The following ATP8B4 variants were observed in gnomAD, a reference collection of about 807,000 sequenced individuals.
ATP8B4 encodes the protein ATPase phospholipid transporting 8B4 (putative).
ATP8B4 carries 133 observed loss-of-function variants against 145.6 expected under a neutral mutation model. That is an observed-to-expected ratio of 0.91 (90% confidence interval 0.79 to 1.05). The LOEUF (loss-of-function observed/expected upper bound fraction) is 1.05, where lower values mean the gene tolerates loss of function less well. ATP8B4 is among the 50% of genes least tolerant of loss of function. The probability of loss-of-function intolerance (pLI) is 0.00; values close to 1 mark genes in which losing one functional copy is unlikely to be tolerated. For missense variants in ATP8B4, 1,458 were observed against 1,425.2 expected, an observed-to-expected ratio of 1.02 and a Z score of -0.37; for synonymous variants, 507 against 492.9, an observed-to-expected ratio of 1.03 and a Z score of -0.38.
In ATP8B4 at chr15:49,961,958, A is replaced by T; in HGVS notation, c.1287+19T>A. On this transcript the variant is annotated intron_variant, in intron 14 of 27. Coordinates refer to ENST00000284509, the MANE Select transcript of ATP8B4 (RefSeq NM_024837.4). ...AATTTGAAATTAAAACTAAGAATAA[A>T]ATTTTATCACTTCCACACCTGAGTT... 1 of 1,575,844 alleles carries T rather than the reference A, an allele frequency of 6.3e-7. No individual in the cohort carries two copies. The highest frequency in any genetic ancestry group is 8.6e-7 in the Non-Finnish European group (1 of 1,163,046).
At chr15:49,929,131 A>C (rs988203855) in intron 16 of ATP8B4, among the ~76,000 whole-genome samples, 5 of 152,110 alleles carry the variant, frequency 3.3e-5, no homozygotes, top group Non-Finnish European at 7.4e-5. Context: ...AAGGGGCACA[A>C]AAGCTATGGA....
chr15:49,975,071 A>G (rs2045548399), intron 12 of ATP8B4, among the ~76,000 whole-genome samples: 1 of 152,146 alleles, frequency 6.6e-6, no homozygotes, highest in Non-Finnish European at 1.5e-5. Flanking sequence ...CAATGTATCC[A>G]TCTAAGTAAA....
chr15:49,907,255 C>T lies in ATP8B4; in HGVS notation c.2142-6016G>A, dbSNP rs535165496. Among the ~76,000 whole-genome samples the T allele has an allele frequency of 9.8e-5, 15 of 152,298 alleles. No homozygotes were observed. In the East Asian group the frequency reaches 2.7e-3, roughly 27 times the overall value. On this transcript the variant is annotated intron_variant, in intron 20 of 27. Transcript: ENST00000284509. ...ATGCCTAGTTTAATTGTTCTGTCCT[C>T]AGACAGAAAGAGGTTCAAGTTCAGT... is the stretch of plus-strand genomic sequence containing the variant.
intron 5 of ATP8B4, among the ~76,000 whole-genome samples, chr15:50,042,544 C>T (rs1326697243): frequency 6.6e-6 from 1 of 152,152 alleles, no homozygotes; most frequent in East Asian, 1.9e-4. Context: ...AGTTCATCTT[C>T]CCCCCTTAAA....
Position 49,920,245 on chromosome 15 carries a change from C to T in ATP8B4, c.1923+1G>A. 6.2e-7 allele frequency: 1 copy of T among 1,613,482 alleles called. No homozygotes were observed. The highest frequency in any genetic ancestry group is 8.5e-7 in the Non-Finnish European group (1 of 1,179,678). On this transcript the variant is annotated splice_donor_variant, in intron 18 of 27. Transcript: ENST00000284509. LOFTEE classifies it high-confidence loss of function. ...AAACCATCATGCTTCTAAACTCATA[C>T]CATCAAATCTCTTTCAATTTCTTCA...
At chr15:49,938,473 A>C (rs1414939568) in intron 14 of ATP8B4, among the ~76,000 whole-genome samples, 1 of 152,176 alleles carries the variant, frequency 6.6e-6, no homozygotes, top group Non-Finnish European at 1.5e-5. Context: ...CTAACAGATG[A>C]AACACACTGT....
At chr15:50,056,540 C>A (rs971467666) in intron 3 of ATP8B4, among the ~76,000 whole-genome samples, 4 of 152,058 alleles carry the variant, frequency 2.6e-5, no homozygotes, top group African/African-American at 9.7e-5. Flanking sequence ...CTTGGTGAGA[C>A]CAGTGGGAAT....
intron 20 of ATP8B4, among the ~76,000 whole-genome samples, chr15:49,916,677 T>C (rs1258614745): frequency 6.6e-6 from 1 of 152,172 alleles, no homozygotes; most frequent in Non-Finnish European, 1.5e-5. Flanking sequence ...CAACTCAACA[T>C]AGCTGATTTG....
chr15:49,933,151 AAC>A (rs1466952296), intron 15 of ATP8B4, among the ~76,000 whole-genome samples: 1 of 152,054 alleles, frequency 6.6e-6, no homozygotes, highest in Admixed American at 6.6e-5. Flanking sequence ...AAAAGTATAC[AAC>A]AACAACAAGT....
chr15:50,121,944 A>G (rs1202931337), upstream of ATP8B4, among the ~76,000 whole-genome samples: 1 of 152,130 alleles, frequency 6.6e-6, no homozygotes, highest in African/African-American at 2.4e-5. Flanking sequence ...AGAAAAAAAG[A>G]ATTCTGAATT....
chr15:50,156,223 G>A (rs1278705076), intron 1 of ATP8B4, among the ~76,000 whole-genome samples: 1 of 148,090 alleles, frequency 6.8e-6, no homozygotes, highest in East Asian at 1.9e-4. Flanking sequence ...TTGTTTTGTT[G>A]CTTTTCCTTT....
chr15:49,946,612 T>G (rs191517133), intron 14 of ATP8B4, among the ~76,000 whole-genome samples: 5 of 152,208 alleles, frequency 3.3e-5, no homozygotes, highest in African/African-American at 1.2e-4. Context: ...CTTTTTTTTT[T>G]TTTAAATCTC....
At chr15:50,061,298 T>G (rs2053001687) in intron 3 of ATP8B4, among the ~76,000 whole-genome samples, 1 of 151,848 alleles carries the variant, frequency 6.6e-6, no homozygotes, top group Non-Finnish European at 1.5e-5. Flanking sequence ...AAAGGAATCA[T>G]GGAGGAAATT....
chr15:49,884,340 A>T (rs1319250735), intron 23 of ATP8B4, among the ~76,000 whole-genome samples: 2 of 152,002 alleles, frequency 1.3e-5, no homozygotes, highest in Non-Finnish European at 2.9e-5. Flanking sequence ...AGTGGCTCAC[A>T]CCTGTAATCC....
chr15:50,029,149 C>T (rs2050229272), intron 6 of ATP8B4, among the ~76,000 whole-genome samples: 1 of 146,398 alleles, frequency 6.8e-6, no homozygotes, highest in South Asian at 2.2e-4. Context: ...AAGAGAATCG[C>T]TTGAATCCAG....
At chr15:50,125,599 T>A (rs538100883) in intron 1 of ATP8B4, among the ~76,000 whole-genome samples, 1 of 152,192 alleles carries the variant, frequency 6.6e-6, no homozygotes, top group African/African-American at 2.4e-5. Context: ...CAGTCTGCAC[T>A]ACGGGAGGTT....
chr15:50,177,014 C>T (rs1178272908), intron 1 of ATP8B4, among the ~76,000 whole-genome samples: 1 of 152,142 alleles, frequency 6.6e-6, no homozygotes, highest in Non-Finnish European at 1.5e-5. Context: ...TATGCCTATA[C>T]TCAAATGGTA....
At chr15:50,114,457 C>T (rs1383212172) in intron 1 of ATP8B4, 1 of 152,200 alleles carries the variant, frequency 6.6e-6, no homozygotes, top group African/African-American at 2.4e-5. Flanking sequence ...TTTCTCCTTC[C>T]CTTCTCTTCC....
intron 7 of ATP8B4, among the ~76,000 whole-genome samples, chr15:50,004,502 G>T (rs181567601): frequency 1.3e-5 from 2 of 152,110 alleles, no homozygotes; most frequent in African/African-American, 4.8e-5. Flanking sequence ...TAAATCCTAC[G>T]GGGACCCAAT....
Sources: gnomAD v4.1 joint callset for allele counts (sites outside exome capture counted in the v4.1 genomes callset) on GRCh38, gnomAD v4.1.1 for gene constraint, MANE v1.5 for transcripts, NCBI Gene and HGNC (gene_info 2026-07-23, HGNC 2026-07-21) for gene names.